Variants in BCAS3 observed in about 807,000 individuals in gnomAD.
BCAS3 encodes the protein BCAS4/BCAS3 fusion.
BCAS3 carries 53 observed loss-of-function variants against 116.1 expected under a neutral mutation model. That is an observed-to-expected ratio of 0.46 (90% confidence interval 0.37 to 0.57). The LOEUF (loss-of-function observed/expected upper bound fraction) is 0.57, where lower values mean the gene tolerates loss of function less well. Ranked by LOEUF, BCAS3 falls within the 20% of genes least tolerant of loss-of-function variation. The pLI, the probability that BCAS3 is intolerant of heterozygous loss-of-function variation, is 0.00. For synonymous variants in BCAS3, 391 were observed against 408.2 expected (o/e 0.96, Z 0.51); for missense variants, 917 against 1,165.4 (o/e 0.79, Z 3.10).
At chr17:60,976,708 T>C (rs942309351) in intron 14 of BCAS3, among the ~76,000 whole-genome samples, 5 of 152,186 alleles carry the variant, frequency 3.3e-5, no homozygotes, top group Non-Finnish European at 5.9e-5. Context: ...TTAATCCATT[T>C]AACCCTGAGT....
At position 61,261,285 on chromosome 17, in the gene BCAS3, G is replaced by A. The variant is rs2049182277; in HGVS notation, c.2426-107042G>A. Among the ~76,000 whole-genome samples, 1 of 152,172 alleles carries A rather than the reference G, an allele frequency of 6.6e-6. No individual in the cohort carries two copies. Among genetic ancestry groups the A allele is most frequent in the Non-Finnish European group, 1.5e-5 (1 of 68,024 alleles). On this transcript the variant is annotated intron_variant, in intron 22 of 23. Transcript: ENST00000407086. The surrounding 1 kb of genome is among the most constrained non-coding windows in gnomAD (Gnocchi z 4.4). ...TATGTTTAGAGGAGCTGCGACCCAG[G>A]GAAATCCTGCCTCCCAGTCTTAGCT...
In BCAS3 at chr17:61,265,839, A is replaced by G. The variant is rs1260993957; in HGVS notation, c.2426-102488A>G. ...TGACTCCACCATTTTTATAATAAACACTTGCAAACTCACACCTTCTCTTGC... is the reference window on the plus strand; with the variant it reads ...TGACTCCACCATTTTTATAATAAACGCTTGCAAACTCACACCTTCTCTTGC... On this transcript the variant is annotated intron_variant, in intron 22 of 23. Coordinates refer to ENST00000407086, the MANE Select transcript of BCAS3 (RefSeq NM_017679.5). This position sits in a 1 kb window ranked among gnomAD's most constrained non-coding sequence, Gnocchi z 4.3. Among the ~76,000 whole-genome samples, 1 of 152,166 alleles carries G rather than the reference A, an allele frequency of 6.6e-6. No homozygotes were observed. The highest frequency in any genetic ancestry group is 1.9e-4 in the East Asian group (1 of 5,202).
At chr17:60,951,050 C>G (rs2060804856) in intron 14 of BCAS3, among the ~76,000 whole-genome samples, 1 of 152,084 alleles carries the variant, frequency 6.6e-6, no homozygotes, top group East Asian at 1.9e-4. Context: ...AGTTTTGCAA[C>G]TAGGAATTTT....
Position 61,034,656 on chromosome 17 carries a change from A to G in BCAS3, c.1638-10A>G, listed in dbSNP as rs191074932. ...GATAATTGTTTTTTACTCTTATTTT[A>G]TTTTTTAAGCAAAGTTAAACCTCCT... On this transcript the variant is annotated splice_polypyrimidine_tract_variant and intron_variant, in intron 16 of 23. Transcript: ENST00000407086. The surrounding 1 kb of genome is among the most constrained non-coding windows in gnomAD (Gnocchi z 5.0). 7,719 of 1,592,862 alleles carry G rather than the reference A, an allele frequency of 4.8e-3. 28 individuals carry two copies. The highest frequency in any genetic ancestry group is 5.7e-3 in the Non-Finnish European group (6,654 of 1,168,556).
intron 7 of BCAS3, among the ~76,000 whole-genome samples, chr17:60,837,814 G>A (rs1248723713): frequency 3.3e-5 from 5 of 152,054 alleles, no homozygotes; most frequent in Admixed American, 2.6e-4. Flanking sequence ...ACCATGCTTG[G>A]CTAATGTTTG....
chr17:60,811,957 G>A (rs1218056806), intron 7 of BCAS3, among the ~76,000 whole-genome samples: 2 of 152,088 alleles, frequency 1.3e-5, no homozygotes, highest in African/African-American at 4.8e-5. Flanking sequence ...GGAGGCTGAG[G>A]TGGGAGGATT....
In BCAS3 at chr17:60,714,516, G is replaced by A. The variant is rs545747905; in HGVS notation, c.321+5191G>A. On this transcript the variant is annotated intron_variant, in intron 5 of 23. Coordinates refer to ENST00000407086, the MANE Select transcript of BCAS3 (RefSeq NM_017679.5). ...CCGTCTCTACTAAAAATACAAAAAT[G>A]GTGGTGGCCACCTGTAATCCCAGCT... 3.3e-5 allele frequency among the ~76,000 whole-genome samples: 5 copies of A among 152,014 alleles called. No individual in the cohort carries two copies. In the South Asian group the frequency reaches 1.0e-3, roughly 32 times the overall value.
chr17:61,191,352 T>C (rs1328164563), intron 22 of BCAS3, among the ~76,000 whole-genome samples: 1 of 152,086 alleles, frequency 6.6e-6, no homozygotes, highest in Non-Finnish European at 1.5e-5. Flanking sequence ...ACTCAGGTGA[T>C]AGGACAATAA....
chr17:60,972,970 A>G (rs2062057360), intron 14 of BCAS3, among the ~76,000 whole-genome samples: 1 of 152,110 alleles, frequency 6.6e-6, no homozygotes, highest in Non-Finnish European at 1.5e-5. Context: ...TTTTTATCCG[A>G]GCATTGCTCT....
At chr17:61,005,465 T>C (rs2064605239) in intron 15 of BCAS3, among the ~76,000 whole-genome samples, 1 of 152,096 alleles carries the variant, frequency 6.6e-6, no homozygotes, top group Non-Finnish European at 1.5e-5. Flanking sequence ...TCTGCCCTGT[T>C]GTCAAAAATG....
chr17:60,710,578 C>G (rs2037756844), intron 5 of BCAS3, among the ~76,000 whole-genome samples: 2 of 151,802 alleles, frequency 1.3e-5, no homozygotes, highest in South Asian at 2.1e-4. Context: ...ACTATAGGCG[C>G]CCGCCACCAC....
At chr17:60,851,862 A>G in intron 7 of BCAS3, 1 of 1,423,964 alleles carries the variant, frequency 7.0e-7, no homozygotes, top group Non-Finnish European at 9.5e-7. Flanking sequence ...AAACATTTTT[A>G]AGAAGGGAAT....
At chr17:60,996,857 T>G (rs1169344151) in intron 15 of BCAS3, among the ~76,000 whole-genome samples, 1 of 152,142 alleles carries the variant, frequency 6.6e-6, no homozygotes, top group African/African-American at 2.4e-5. Context: ...ATTAATTCTT[T>G]TAGAGAGAAG....
chr17:60,851,551 G>A (rs760835918), intron 7 of BCAS3: 15 of 614,034 alleles, frequency 2.4e-5, no homozygotes, highest in African/African-American at 2.4e-4. Flanking sequence ...TGTTCTTCAC[G>A]GGGTGAATAA....
At chr17:60,778,166 A>G (rs180966891) in intron 6 of BCAS3, among the ~76,000 whole-genome samples, 103 of 151,930 alleles carry the variant, frequency 6.8e-4, no homozygotes, top group African/African-American at 2.2e-3. Flanking sequence ...ATGAAGTCCA[A>G]TTATCTTTTT....
In BCAS3 at chr17:61,365,218, G is replaced by A. The variant is rs1457249389; in HGVS notation, c.2426-3109G>A. Reference sequence around the variant, plus strand: ...CACTAGCTCATGATTCTTTTCTCGTGCGTACTGTTACTTTATCCCTTAAAA... The same window carrying A: ...CACTAGCTCATGATTCTTTTCTCGTACGTACTGTTACTTTATCCCTTAAAA... On this transcript the variant is annotated intron_variant, in intron 22 of 23. Transcript: ENST00000407086. This position sits in a 1 kb window ranked among gnomAD's most constrained non-coding sequence, Gnocchi z 4.6. Among the ~76,000 whole-genome samples, 2 of 152,140 alleles carry A rather than the reference G, an allele frequency of 1.3e-5. No individual in the cohort carries two copies. The highest frequency in any genetic ancestry group is 3.8e-4 in the East Asian group (2 of 5,200).
At position 60,990,636 on chromosome 17, in the gene BCAS3, TAGAG is replaced by T. The variant is rs905511711; in HGVS notation, c.1486+402_1486+405del. Among the ~76,000 whole-genome samples, 1 of 151,934 alleles carries T rather than the reference TAGAG, an allele frequency of 6.6e-6. No homozygotes were observed. Among genetic ancestry groups the T allele is most frequent in the African/African-American group, 2.4e-5 (1 of 41,400 alleles). On this transcript the variant is annotated intron_variant, in intron 15 of 23. Coordinates refer to ENST00000407086, the MANE Select transcript of BCAS3 (RefSeq NM_017679.5). This position sits in a 1 kb window ranked among gnomAD's most constrained non-coding sequence, Gnocchi z 5.1. ...AGTCATGGGTAATGTGTATTTTAGA[TAGAG>T]CAGCATTTGCTTTTTTTTTTTTTTG... is the stretch of plus-strand genomic sequence containing the variant.
In BCAS3 at chr17:61,140,336, T is replaced by C. The variant is rs2076852281; in HGVS notation, c.2425+55772T>C. Among the ~76,000 whole-genome samples the C allele has an allele frequency of 6.6e-6, 1 of 152,192 alleles. No homozygotes were observed. The highest frequency in any genetic ancestry group is 2.1e-4 in the South Asian group (1 of 4,824). On this transcript the variant is annotated intron_variant, in intron 22 of 23. Transcript: ENST00000407086. The surrounding 1 kb of genome is among the most constrained non-coding windows in gnomAD (Gnocchi z 4.2). ...TATATAGCAAAGGATATGTGAGGGATAGCTGTGGAAGATCCAACTGTCAAG... is the reference window on the plus strand; with the variant it reads ...TATATAGCAAAGGATATGTGAGGGACAGCTGTGGAAGATCCAACTGTCAAG...
intron 7 of BCAS3, chr17:60,851,763 T>C: frequency 1.0e-6 from 1 of 990,812 alleles, no homozygotes; most frequent in Non-Finnish European, 1.6e-6. Flanking sequence ...TACCATGTCT[T>C]ATCAGTGGTC....
Sources: gnomAD v4.1 joint callset for allele counts (sites outside exome capture counted in the v4.1 genomes callset) on GRCh38, gnomAD v4.1.1 for gene constraint, Gnocchi (gnomAD v3.1) non-coding constraint, MANE v1.5 for transcripts, NCBI Gene and HGNC (gene_info 2026-07-23, HGNC 2026-07-21) for gene names.